MARCHF1: variants seen among roughly 807,000 people sequenced by gnomAD.
The protein encoded by MARCHF1 is E3 ubiquitin-protein ligase MARCHF1.
Under a neutral mutation model 54.2 loss-of-function variants are expected in MARCHF1, and 40 were observed. The ratio of observed to expected loss-of-function variants is 0.74; its 90% CI spans 0.57 to 0.96. MARCHF1 has a LOEUF of 0.96. Among genes scored for constraint, MARCHF1 ranks in the 40% least tolerant of loss-of-function variants. The pLI is 0.00. For missense variants in MARCHF1, 586 were observed against 656.5 expected, an observed-to-expected ratio of 0.89 and a Z score of 1.17; for synonymous variants, 236 against 236.3, an observed-to-expected ratio of 1.00 and a Z score of 0.01.
chr4:164,267,573 T>C (rs975739502), intron 1 of MARCHF1, among the ~76,000 whole-genome samples: 28 of 152,056 alleles, frequency 1.8e-4, no homozygotes, highest in Admixed American at 2.0e-4. Flanking sequence ...CTAAGAACCA[T>C]GTGAGTGAGC....
chr4:163,594,099 G>C (rs1179897881), intron 7 of MARCHF1, among the ~76,000 whole-genome samples: 1 of 152,174 alleles, frequency 6.6e-6, no homozygotes, highest in African/African-American at 2.4e-5. Flanking sequence ...AGGAGTGAAA[G>C]ATCATCTCAG....
intron 5 of MARCHF1, among the ~76,000 whole-genome samples, chr4:163,634,283 T>C (rs1490300773): frequency 1.3e-5 from 2 of 150,684 alleles, no homozygotes; most frequent in Non-Finnish European, 2.9e-5. Flanking sequence ...AATGCTCCAA[T>C]TAAAACACAC....
chr4:163,808,591 CAG>C (rs1748293366), intron 4 of MARCHF1, among the ~76,000 whole-genome samples: 1 of 152,078 alleles, frequency 6.6e-6, no homozygotes, highest in Non-Finnish European at 1.5e-5. Flanking sequence ...TTTTTTGAGA[CAG>C]AGTCTCCCTT....
At chr4:163,615,645 T>C (rs1741485523) in intron 5 of MARCHF1, among the ~76,000 whole-genome samples, 1 of 152,140 alleles carries the variant, frequency 6.6e-6, no homozygotes, top group African/African-American at 2.4e-5. Context: ...GAAATGACCA[T>C]ACTGTCCAAA....
intron 1 of MARCHF1, among the ~76,000 whole-genome samples, chr4:164,118,539 A>C (rs1445762713): frequency 2.0e-5 from 3 of 151,424 alleles, no homozygotes; most frequent in African/African-American, 2.4e-5. Flanking sequence ...ATATAATATA[A>C]TACACCCATT....
At chr4:164,363,766 C>CATGTGTGTGTGTGTGTGTGTGT (rs1554004696) in intron 1 of MARCHF1, among the ~76,000 whole-genome samples, 18 of 150,100 alleles carry the variant, frequency 1.2e-4, no homozygotes, top group Non-Finnish European at 1.8e-4. Flanking sequence ...ATTAATAAGC[C>CATGTGTGTGTGTGTGTGTGTGT]GTGTGTGTGT....
At chr4:164,190,394 A>T (rs186293553) in intron 1 of MARCHF1, 334 of 482,674 alleles carry the variant, frequency 6.9e-4, no homozygotes, top group African/African-American at 6.3e-3. Context: ...CTTTCCTTAG[A>T]AAAAAAATGA....
At chr4:164,043,767 C>T (rs961119881) in intron 2 of MARCHF1, among the ~76,000 whole-genome samples, 2 of 152,142 alleles carry the variant, frequency 1.3e-5, no homozygotes, top group Non-Finnish European at 2.9e-5. Flanking sequence ...AATATAAGTT[C>T]CAATTTCAGA....
chr4:164,282,634 C>A (rs1033678816), intron 1 of MARCHF1, among the ~76,000 whole-genome samples: 5 of 151,134 alleles, frequency 3.3e-5, no homozygotes, highest in South Asian at 2.1e-4. Context: ...GGTCTTTTGG[C>A]CAGAATGCTT....
intron 1 of MARCHF1, among the ~76,000 whole-genome samples, chr4:164,340,506 T>G (rs1163705199): frequency 1.3e-5 from 2 of 149,158 alleles, no homozygotes; most frequent in Non-Finnish European, 3.0e-5. Flanking sequence ...CTTGGCTCAC[T>G]GCAACCTCCA....
At chr4:163,664,710 T>C (rs1743470453) in intron 5 of MARCHF1, among the ~76,000 whole-genome samples, 1 of 152,060 alleles carries the variant, frequency 6.6e-6, no homozygotes, top group Admixed American at 6.6e-5. Flanking sequence ...AAATCAGCAT[T>C]ATAAATAAAC....
chr4:163,913,991 A>C (rs932590677), intron 3 of MARCHF1, among the ~76,000 whole-genome samples: 2 of 16,422 alleles, frequency 1.2e-4, no homozygotes, highest in Non-Finnish European at 1.7e-3. Context: ...GGGGATCTCT[A>C]TTCTTTTTTT....
Position 163,865,244 on chromosome 4 carries a change from AAC to A in MARCHF1, c.-38-11077_-38-11076del, listed in dbSNP as rs1457779688. Among the ~76,000 whole-genome samples the A allele has an allele frequency of 2.8e-4, 43 of 152,054 alleles. No homozygotes were observed. In the South Asian group the frequency reaches 8.5e-3, roughly 30 times the overall value. On this transcript the variant is annotated intron_variant, in intron 3 of 9. Transcript: ENST00000514618. Reference sequence around the variant, plus strand: ...TGGGTTTCTTGAGCAGCCCTTTATGAACACACTTAAAGTGTCTGAGTAAAATA... The same window carrying A: ...TGGGTTTCTTGAGCAGCCCTTTATGAACACTTAAAGTGTCTGAGTAAAATA...
chr4:164,061,639 ACCTGCACATTGTGCACATGTAC>A (rs1025781262), intron 2 of MARCHF1, among the ~76,000 whole-genome samples: 6 of 151,632 alleles, frequency 4.0e-5, no homozygotes, highest in Non-Finnish European at 8.8e-5. Flanking sequence ...TATGTAACTA[ACCTGCACATTGTGCACATGTAC>A]CCTAAAACTT....
intron 2 of MARCHF1, among the ~76,000 whole-genome samples, chr4:164,003,313 G>A (rs2110922149): frequency 6.6e-6 from 1 of 152,022 alleles, no homozygotes; most frequent in Middle Eastern, 3.4e-3. Context: ...AAAAAATACA[G>A]CAGGATAGAT....
intron 3 of MARCHF1, among the ~76,000 whole-genome samples, chr4:163,984,655 T>C (rs1312984262): frequency 6.6e-6 from 1 of 152,064 alleles, no homozygotes; most frequent in Admixed American, 6.6e-5. Flanking sequence ...AGATCTAGAG[T>C]AGGAATTCAA....
At chr4:164,200,949 G>A (rs1042470762) in intron 1 of MARCHF1, among the ~76,000 whole-genome samples, 2 of 152,132 alleles carry the variant, frequency 1.3e-5, no homozygotes, top group Admixed American at 6.5e-5. Context: ...CCAAGACCAC[G>A]AGGTGGAAAC....
intron 2 of MARCHF1, among the ~76,000 whole-genome samples, chr4:164,053,932 A>G (rs1430236444): frequency 6.6e-6 from 1 of 152,304 alleles, no homozygotes; most frequent in Non-Finnish European, 1.5e-5. Flanking sequence ...ATGGGATCTA[A>G]TTAAACTAAA....
intron 1 of MARCHF1, among the ~76,000 whole-genome samples, chr4:164,364,535 A>G (rs1730824867): frequency 6.6e-6 from 1 of 152,084 alleles, no homozygotes. Flanking sequence ...CGTTGAACAT[A>G]CATTTTACAA....
Sources: allele counts gnomAD v4.1 joint callset (sites outside exome capture counted in the v4.1 genomes callset), GRCh38; gene constraint gnomAD v4.1.1; transcripts MANE v1.5; gene names NCBI Gene and HGNC (gene_info 2026-07-23, HGNC 2026-07-21).